Variants in GRB2 observed in about 807,000 individuals in gnomAD.
GRB2 encodes growth factor receptor-bound protein 2.
GRB2 carries 2 observed loss-of-function variants against 27.4 expected under a neutral mutation model. The observed-to-expected ratio is 0.07, with a 90% confidence interval of 0.03 to 0.23. The LOEUF is 0.23. GRB2 is among the 10% of genes least tolerant of loss of function. The pLI is 1.00. For synonymous variants in GRB2, 94 were observed against 99.6 expected (o/e 0.94, Z 0.33); for missense variants, 102 against 282.4 (o/e 0.36, Z 4.58).
At chr17:75,397,912 G>A (rs1370974490) in intron 1 of GRB2, among the ~76,000 whole-genome samples, 1 of 151,922 alleles carries the variant, frequency 6.6e-6, no homozygotes, top group Non-Finnish European at 1.5e-5. Flanking sequence ...CACGATCTCA[G>A]GTCACTGCAA....
chr17:75,371,256 A>C (rs897439913), intron 2 of GRB2: 4 of 152,200 alleles, frequency 2.6e-5, no homozygotes, highest in Non-Finnish European at 5.9e-5. Flanking sequence ...AGTAGTTAAG[A>C]AATCTAACCA....
At chr17:75,362,848 C>A (rs1300095895) in intron 2 of GRB2, among the ~76,000 whole-genome samples, 1 of 152,162 alleles carries the variant, frequency 6.6e-6, no homozygotes, top group African/African-American at 2.4e-5. Flanking sequence ...CACCCAATTA[C>A]TAATATGACA....
chr17:75,358,851 TCCAGC>T (rs1435185357), intron 2 of GRB2, among the ~76,000 whole-genome samples: 5 of 129,986 alleles, frequency 3.8e-5, no homozygotes, highest in Non-Finnish European at 7.9e-5. Flanking sequence ...GCCACTGCAC[TCCAGC>T]ATGGCGACAG....
At position 75,381,055 on chromosome 17, in the gene GRB2, C is replaced by T. The variant is rs116592482; in HGVS notation, c.78+12496G>A. Among the ~76,000 whole-genome samples the T allele has an allele frequency of 9.3e-3, 1,411 of 152,258 alleles. 28 individuals are homozygous for T. Among genetic ancestry groups the T allele is most frequent in the African/African-American group, 0.032 (1,340 of 41,540 alleles). ...TAGGACAATACATATATCAAAACCT[C>T]CCTTGAGATTACGAACTAAATTATT... On this transcript the variant is annotated intron_variant, in intron 2 of 5. Transcript: ENST00000316804.
intron 2 of GRB2, among the ~76,000 whole-genome samples, chr17:75,387,019 G>A (rs2078968520): frequency 9.7e-6 from 1 of 103,058 alleles, no homozygotes; most frequent in African/African-American, 2.7e-5. Flanking sequence ...AAATTAGCTG[G>A]GTGTGGTGGC....
chr17:75,394,522 T>TC (rs1392951697), intron 1 of GRB2, among the ~76,000 whole-genome samples: 16 of 152,194 alleles, frequency 1.1e-4, no homozygotes, highest in African/African-American at 3.9e-4. Flanking sequence ...CCCCGGCAGA[T>TC]CCCCAAGACT....
chr17:75,369,087 AAG>A (rs2078839097), intron 2 of GRB2, among the ~76,000 whole-genome samples: 1 of 152,210 alleles, frequency 6.6e-6, no homozygotes, highest in South Asian at 2.1e-4. Context: ...GGCACAGCCA[AAG>A]TTTGAACCCA....
intron 4 of GRB2, 74 bp from the exon 5 acceptor site, chr17:75,321,901 A>C (rs1330444212): frequency 9.2e-6 from 13 of 1,410,088 alleles, no homozygotes; most frequent in Non-Finnish European, 1.3e-5. Flanking sequence ...TCCATATAGG[A>C]GCTATCTCGA....
At chr17:75,346,286 G>A (rs1282751216) in intron 2 of GRB2, among the ~76,000 whole-genome samples, 1 of 151,718 alleles carries the variant, frequency 6.6e-6, no homozygotes, top group Admixed American at 6.6e-5. Flanking sequence ...TTGAGGTCAG[G>A]AGTTCAAGAC....
chr17:75,368,063 C>G (rs939901842), intron 2 of GRB2, among the ~76,000 whole-genome samples: 1 of 151,976 alleles, frequency 6.6e-6, no homozygotes, highest in Non-Finnish European at 1.5e-5. Flanking sequence ...TACAGGCACT[C>G]GCCACCACGC....
In GRB2 at chr17:75,394,115, AC is replaced by A. The variant is rs200020013; in HGVS notation, c.-137-351del. The A allele has an allele frequency of 8.6e-3, 1,353 of 157,178 alleles. 24 individuals are homozygous for A. The highest frequency in any genetic ancestry group is 0.031 in the African/African-American group (1,301 of 41,364). 9.7% of individuals were successfully genotyped at this position (157,178 alleles called of 1,614,324 possible). On this transcript the variant is annotated intron_variant, in intron 1 of 5. Coordinates refer to ENST00000316804, the MANE Select transcript of GRB2 (RefSeq NM_002086.5). ...CACAGGCTCTTCTCCAGCACCAAAT[AC>A]GGTCCACTGAAAGGAAGGCCTCACC... is the stretch of plus-strand genomic sequence containing the variant.
intron 2 of GRB2, among the ~76,000 whole-genome samples, chr17:75,358,302 G>T (rs576240866): frequency 1.3e-5 from 2 of 152,054 alleles, no homozygotes; most frequent in African/African-American, 2.4e-5. Flanking sequence ...TGTTAGAAAA[G>T]AATTCAAATA....
chr17:75,365,679 G>C (rs534623592), intron 2 of GRB2, among the ~76,000 whole-genome samples: 97 of 152,094 alleles, frequency 6.4e-4, no homozygotes, highest in Non-Finnish European at 6.8e-4. Context: ...GGAACTATGG[G>C]GGATAGAAAG....
intron 2 of GRB2, among the ~76,000 whole-genome samples, chr17:75,365,173 C>T (rs1017890779): frequency 6.6e-6 from 1 of 152,240 alleles, no homozygotes; most frequent in South Asian, 2.1e-4. Flanking sequence ...CCGACACCAA[C>T]CCCACTGCAG....
chr17:75,318,531 T>C lies in GRB2; in HGVS notation c.*1837A>G, dbSNP rs1486867159. 1 of 151,806 alleles carries C rather than the reference T, an allele frequency of 6.6e-6. No homozygotes were observed. Among genetic ancestry groups the C allele is most frequent in the East Asian group, 1.9e-4 (1 of 5,156 alleles). The allele number at this position is 151,806 out of a possible 1,614,324, so 9.4% of individuals were successfully genotyped here. ...TTTTTGTCGTGGGAAGGGGTTTGGG[T>C]GGAGAAAAAGATTACAGGCACATCA... On this transcript the variant is annotated 3_prime_UTR_variant, in exon 6 of 6. Transcript: ENST00000316804.
intron 2 of GRB2, among the ~76,000 whole-genome samples, chr17:75,337,773 G>A (rs1292616649): frequency 3.3e-5 from 5 of 150,460 alleles, no homozygotes; most frequent in Non-Finnish European, 7.4e-5. Flanking sequence ...GTTTCACTGT[G>A]TTAGCCAGGA....
At chr17:75,366,570 G>A (rs909633062) in intron 2 of GRB2, among the ~76,000 whole-genome samples, 4 of 151,622 alleles carry the variant, frequency 2.6e-5, no homozygotes, top group East Asian at 3.9e-4. Context: ...AGGCTGAGGC[G>A]GGCGGATCAC....
chr17:75,395,840 GTTTTT>G (rs11344182), intron 1 of GRB2, among the ~76,000 whole-genome samples: 3 of 139,518 alleles, frequency 2.2e-5, no homozygotes, highest in Non-Finnish European at 3.2e-5. Flanking sequence ...TACTTTTTGT[GTTTTT>G]TTTTTTTTCT....
intron 2 of GRB2, among the ~76,000 whole-genome samples, chr17:75,342,766 G>A (rs1199161185): frequency 6.6e-6 from 1 of 152,146 alleles, no homozygotes; most frequent in Non-Finnish European, 1.5e-5. Context: ...GTCTAAGTAG[G>A]CTGGGTGCAG....
Sources: allele counts gnomAD v4.1 joint callset (sites outside exome capture counted in the v4.1 genomes callset), GRCh38; gene constraint gnomAD v4.1.1; transcripts MANE v1.5; gene names NCBI Gene and HGNC (gene_info 2026-07-23, HGNC 2026-07-21).